ZNF684: variants seen among roughly 807,000 people sequenced by gnomAD.
The protein encoded by ZNF684 is hypothetical protein MGC27466.
In ZNF684, 13 loss-of-function variants were observed where a neutral mutation model predicts 12.8. The observed-to-expected ratio is 1.02, with a 90% CI of 0.66 to 1.62. The LOEUF (loss-of-function observed/expected upper bound fraction) is 1.62, where lower values mean the gene tolerates loss of function less well. Among genes scored for constraint, ZNF684 ranks in the 40% most tolerant of loss-of-function variants. The pLI, the probability that ZNF684 is intolerant of heterozygous loss-of-function variation, is 0.00. For synonymous variants in ZNF684, 118 were observed against 151.8 expected, an observed-to-expected ratio of 0.78 and a Z score of 1.64; for missense variants, 384 against 446.9, an observed-to-expected ratio of 0.86 and a Z score of 1.27.
At chr1:40,539,264 C>T (rs954670411) in intron 2 of ZNF684, among the ~76,000 whole-genome samples, 8 of 152,040 alleles carry the variant, frequency 5.3e-5, no homozygotes, top group East Asian at 1.9e-4. Context: ...CTCCTGACTT[C>T]GTGATCCACC....
At chr1:40,541,287 C>T in intron 3 of ZNF684, 1 of 185,642 alleles carries the variant, frequency 5.4e-6, no homozygotes. Flanking sequence ...AGGTTCACGT[C>T]ATTCTCCTGC....
chr1:40,537,754 A>G (rs564085323), intron 2 of ZNF684, among the ~76,000 whole-genome samples: 27 of 152,280 alleles, frequency 1.8e-4, no homozygotes, highest in Middle Eastern at 3.4e-3. Flanking sequence ...AAAAAAAAAA[A>G]TAACAATTGT....
At chr1:40,541,158 TCTC>T (rs1403110504) in intron 3 of ZNF684, among the ~76,000 whole-genome samples, 1 of 151,572 alleles carries the variant, frequency 6.6e-6, no homozygotes, top group African/African-American at 2.4e-5. Context: ...TGCTTATTCT[TCTC>T]CTTCCCAGAT....
intron 2 of ZNF684, among the ~76,000 whole-genome samples, chr1:40,535,550 C>A (rs969053687): frequency 3.3e-5 from 5 of 151,968 alleles, no homozygotes; most frequent in African/African-American, 1.2e-4. Flanking sequence ...TGGGAGTGCT[C>A]CCAGTGTTTC....
chr1:40,533,068 G>C, intron 1 of ZNF684, 75 bp from the exon 2 acceptor site: 1 of 1,260,212 alleles, frequency 7.9e-7, no homozygotes, highest in Non-Finnish European at 1.1e-6. Flanking sequence ...TGGTCTGATA[G>C]AGCAGGGTTC....
At position 40,540,823 on chromosome 1, in the gene ZNF684, C is replaced by T. The variant is rs546218259; in HGVS notation, c.142+111C>T. 4 of 1,127,240 alleles carry T rather than the reference C, an allele frequency of 3.5e-6. No individual in the cohort carries two copies. In the African/African-American group the frequency reaches 4.8e-5, roughly 14 times the overall value. The allele number at this position is 1,127,240 out of a possible 1,614,324, so 69.8% of individuals were successfully genotyped here. On this transcript the variant is annotated intron_variant, in intron 3 of 4. Coordinates refer to ENST00000372699, the MANE Select transcript of ZNF684 (RefSeq NM_152373.4). ...TTGTGGTCGCTCATGCTTATAATCC[C>T]AGCACTTTGGGAGGCAGGAGAATTG...
chr1:40,546,531 A>G, intron 4 of ZNF684, 31 bp from the exon 5 acceptor site: 1 of 1,502,342 alleles, frequency 6.7e-7, no homozygotes. Context: ...GGAAAAAGTA[A>G]CTAGGAATGT....
At chr1:40,532,878 G>A (rs1422096439) in intron 1 of ZNF684, among the ~76,000 whole-genome samples, 2 of 152,108 alleles carry the variant, frequency 1.3e-5, no homozygotes, top group East Asian at 3.8e-4. Context: ...GTTTCAAGAG[G>A]AACCACTTGG....
intron 2 of ZNF684, among the ~76,000 whole-genome samples, chr1:40,537,432 G>T (rs1251640801): frequency 6.6e-6 from 1 of 152,102 alleles, no homozygotes; most frequent in Non-Finnish European, 1.5e-5. Flanking sequence ...TACCACAAAA[G>T]TGACCCAATT....
At chr1:40,536,905 G>C (rs1014223532) in intron 2 of ZNF684, among the ~76,000 whole-genome samples, 3 of 150,336 alleles carry the variant, frequency 2.0e-5, no homozygotes, top group African/African-American at 7.4e-5. Flanking sequence ...TCTTAATCCA[G>C]TCTATCATTG....
chr1:40,531,680 G>A lies in ZNF684; in HGVS notation c.-132G>A, dbSNP rs1177492519. On this transcript the variant is annotated 5_prime_UTR_variant, in exon 1 of 5. Transcript: ENST00000372699. ...TAGCCGGTATTCAATCTTCAAATCA[G>A]CGCCGCGGGAAGTGCGGGCGGGTGT... 6.6e-6 allele frequency: 1 copy of A among 152,270 alleles called. No individual in the cohort carries two copies. Among genetic ancestry groups the A allele is most frequent in the Non-Finnish European group, 1.5e-5 (1 of 68,080 alleles). The allele number at this position is 152,270 out of a possible 1,614,324, so 9.4% of individuals were successfully genotyped here.
chr1:40,539,403 T>C (rs1178633960), intron 2 of ZNF684, among the ~76,000 whole-genome samples: 1 of 151,878 alleles, frequency 6.6e-6, no homozygotes, highest in African/African-American at 2.4e-5. Flanking sequence ...GAGGCTGAGG[T>C]AGGAAGATCG....
intron 4 of ZNF684, among the ~76,000 whole-genome samples, chr1:40,543,998 T>G (rs1646030590): frequency 6.6e-6 from 1 of 152,130 alleles, no homozygotes; most frequent in Non-Finnish European, 1.5e-5. Context: ...CTTTTTCTTT[T>G]TTTTTTTATG....
In ZNF684 at chr1:40,541,614, G is replaced by A. The variant is rs917941242; in HGVS notation, c.143-1G>A. The A allele has an allele frequency of 6.2e-7, 1 of 1,612,348 alleles. No individual in the cohort carries two copies. The highest frequency in any genetic ancestry group is 1.3e-5 in the African/African-American group (1 of 74,982). On this transcript the variant is annotated splice_acceptor_variant, in intron 3 of 4. Coordinates refer to ENST00000372699, the MANE Select transcript of ZNF684 (RefSeq NM_152373.4). LOFTEE classifies it high-confidence loss of function. The stretch of plus-strand genomic sequence containing the variant: ...CTTCTATGCTGTTTTCCCACCAACA[G>A]GATGTCCAATTACCAAAACAAAAGT...
At chr1:40,539,533 C>A (rs6700711) in intron 2 of ZNF684, among the ~76,000 whole-genome samples, 72,331 of 151,704 alleles carry the variant, frequency 0.48, 18,685 homozygotes, top group African/African-American at 0.66. Flanking sequence ...GAAAAAACGT[C>A]GTTGCTGCAC....
intron 2 of ZNF684, among the ~76,000 whole-genome samples, chr1:40,534,146 G>T (rs1322884713): frequency 6.6e-6 from 1 of 151,300 alleles, no homozygotes; most frequent in Non-Finnish European, 1.5e-5. Context: ...TATTAGGATT[G>T]CATTAAACTT....
At chr1:40,544,157 T>C (rs1336131319) in intron 4 of ZNF684, among the ~76,000 whole-genome samples, 1 of 152,038 alleles carries the variant, frequency 6.6e-6, no homozygotes, top group Non-Finnish European at 1.5e-5. Context: ...GTCATAGCAA[T>C]GTGGGAGATG....
chr1:40,533,212 T>G, intron 2 of ZNF684, 31 bp downstream of exon 2: 1 of 1,609,208 alleles, frequency 6.2e-7, no homozygotes, highest in Non-Finnish European at 8.5e-7. Flanking sequence ...TCCAGTTGTT[T>G]AAATCTCCCA....
intron 2 of ZNF684, among the ~76,000 whole-genome samples, chr1:40,534,236 ATTT>A (rs556340597): frequency 1.9e-5 from 2 of 102,590 alleles, no homozygotes; most frequent in African/African-American, 3.9e-5. Flanking sequence ...TTTTATTATA[ATTT>A]TTTTTTTTTT....
Sources: allele counts gnomAD v4.1 joint callset (sites outside exome capture counted in the v4.1 genomes callset), GRCh38; gene constraint gnomAD v4.1.1; transcripts MANE v1.5; gene names NCBI Gene and HGNC (gene_info 2026-07-23, HGNC 2026-07-21).